The following MAEL variants were observed in gnomAD, a reference collection of about 807,000 sequenced individuals.
MAEL encodes protein maelstrom homolog.
MAEL carries 46 observed loss-of-function variants against 62.0 expected under a neutral mutation model. The ratio of observed to expected loss-of-function variants is 0.74; its 90% confidence interval spans 0.59 to 0.95. The LOEUF (loss-of-function observed/expected upper bound fraction) is 0.95, where lower values mean the gene tolerates loss of function less well. Ranked by LOEUF, MAEL falls within the 40% of genes least tolerant of loss-of-function variation. MAEL has a pLI of 0.00. For synonymous variants in MAEL, 172 were observed against 175.5 expected (o/e 0.98, Z 0.16); for missense variants, 497 against 526.8 (o/e 0.94, Z 0.55).
chr1:166,997,160 G>T (rs1458055902), intron 5 of MAEL, among the ~76,000 whole-genome samples: 1 of 152,180 alleles, frequency 6.6e-6, no homozygotes, highest in Non-Finnish European at 1.5e-5. Context: ...ATTGCCTTGG[G>T]CCACACATAA....
rs748305669 is a variant in MAEL, at chr1:167,017,840, A to T, written c.922A>T (p.Asn308Tyr). The T allele has an allele frequency of 2.5e-6, 4 of 1,611,534 alleles. No homozygotes were observed. Among genetic ancestry groups the T allele is most frequent in the African/African-American group, 1.3e-5 (1 of 74,826 alleles). The stretch of plus-strand genomic sequence containing the variant: ...TTTCTTTTAAAGGTACTGCATCAGT[A>T]ATTCTCTGGCCACTCTCTTTGGAAT... ...VCKKIAYCIS[N>Y]SLATLFGIQL... The change falls in exon 10 of 12, where the codon AAT becomes TAT. Residue 308 changes from asparagine to tyrosine, a missense_variant. Transcript: ENST00000367872.
upstream of MAEL, among the ~76,000 whole-genome samples, chr1:166,984,218 G>C (rs6695162): frequency 0.26 from 39,718 of 151,836 alleles, 5,565 homozygotes; most frequent in African/African-American, 0.37. Context: ...CCATTAGCTA[G>C]TTCTATTTTT....
upstream of MAEL, among the ~76,000 whole-genome samples, chr1:166,984,943 A>C (rs1663869942): frequency 6.6e-6 from 1 of 152,220 alleles, no homozygotes; most frequent in Non-Finnish European, 1.5e-5. Flanking sequence ...TAAAAATGTT[A>C]AACTATGAAA....
intron 8 of MAEL, among the ~76,000 whole-genome samples, chr1:167,010,782 A>G (rs1571271281): frequency 6.6e-6 from 1 of 152,052 alleles, no homozygotes; most frequent in Admixed American, 6.6e-5. Context: ...TTCTTCCCAT[A>G]ATAGCTTTCT....
chr1:167,018,571 A>T (rs1043835525), intron 10 of MAEL, among the ~76,000 whole-genome samples: 6 of 152,122 alleles, frequency 3.9e-5, no homozygotes, highest in Admixed American at 3.9e-4. Context: ...GATTAAATGC[A>T]GCAATATATG....
rs748937296 is a variant in MAEL at position 167,021,886 on chromosome 1, G to A, written c.*31G>A. On this transcript the variant is annotated 3_prime_UTR_variant, in exon 12 of 12. Transcript: ENST00000367872. Reference sequence around the variant, plus strand: ...GTACTCTTTTCAATTTCTGAAAACAGTAACAGGCCCAACTTCCTTCTTACT... The same window carrying A: ...GTACTCTTTTCAATTTCTGAAAACAATAACAGGCCCAACTTCCTTCTTACT... 3 of 1,454,642 alleles carry A rather than the reference G, an allele frequency of 2.1e-6. No homozygotes were observed. Among genetic ancestry groups the A allele is most frequent in the African/African-American group, 1.4e-5 (1 of 71,308 alleles). 90.1% of individuals were successfully genotyped at this position (1,454,642 alleles called of 1,614,324 possible). A position where few individuals can be genotyped will look rare whatever the true frequency, so the allele number is the denominator to read the frequency against.
upstream of MAEL, among the ~76,000 whole-genome samples, chr1:166,987,015 A>G (rs1286144850): frequency 1.3e-5 from 2 of 150,460 alleles, no homozygotes; most frequent in African/African-American, 4.9e-5. Context: ...ATTTGTTTTT[A>G]TGCCAATGTT....
rs546730762 is a variant in MAEL, at chr1:167,016,388, A to G, written c.908+104A>G. ...TGGCAATCGGGGTAACTCTGTTTCC[A>G]CAATGCTCTTTCAAAACAAAGGGGG... On this transcript the variant is annotated intron_variant, in intron 9 of 11. Transcript: ENST00000367872. 521 of 1,019,596 alleles carry G rather than the reference A, an allele frequency of 5.1e-4. 5 individuals are homozygous for G. The African/African-American group carries it at 7.5e-3, about 15-fold the overall frequency. The allele number at this position is 1,019,596 out of a possible 1,614,324, so 63.2% of individuals were successfully genotyped here.
At chr1:167,003,266 A>G (rs1215676733) in intron 5 of MAEL, among the ~76,000 whole-genome samples, 1 of 152,184 alleles carries the variant, frequency 6.6e-6, no homozygotes, top group Non-Finnish European at 1.5e-5. Context: ...ATCTTTATAC[A>G]TAATTAACAA....
chr1:166,992,740 C>A lies in MAEL; in HGVS notation c.380C>A (p.Pro127His), dbSNP rs916130738. 1.9e-6 allele frequency: 3 copies of A among 1,609,228 alleles called. No homozygotes were observed. In the African/African-American group the frequency reaches 4.0e-5, roughly 22 times the overall value. ...AACATTTTTAGCCATGGCGAGCTAC[C>A]TCCTCATTGTGAACAGCGCTTCCTC... ...FLNIFSHGEL[P>H]PHCEQRFLPC... is the part of the protein sequence containing the mutation. The change falls in exon 4 of 12, where the codon CCT becomes CAT. Residue 127 changes from proline to histidine, a missense_variant. Coordinates refer to ENST00000367872, the MANE Select transcript of MAEL (RefSeq NM_032858.3).
In MAEL at chr1:166,989,540, T is replaced by TGAGGCGGGAGGGC; in HGVS notation, c.132+57_132+69dup. On this transcript the variant is annotated intron_variant, in intron 1 of 11. Coordinates refer to ENST00000367872, the MANE Select transcript of MAEL (RefSeq NM_032858.3). ...CAGGGCAGTTGGGCAAGCCGGAGGG[T>TGAGGCGGGAGGGC]GAGGCGGGAGGGCAGAAGGCCTCGA... The TGAGGCGGGAGGGC allele has an allele frequency of 1.9e-6, 3 of 1,557,180 alleles. No individual in the cohort carries two copies. The Admixed American group carries it at 5.8e-5, about 30-fold the overall frequency.
At chr1:167,018,270 A>G (rs1250691486) in intron 10 of MAEL, among the ~76,000 whole-genome samples, 1 of 152,200 alleles carries the variant, frequency 6.6e-6, no homozygotes, top group African/African-American at 2.4e-5. Context: ...AGTAATATAA[A>G]TATTCTAAAC....
At chr1:167,011,122 T>C (rs906618265) in intron 8 of MAEL, among the ~76,000 whole-genome samples, 2 of 152,190 alleles carry the variant, frequency 1.3e-5, no homozygotes, top group African/African-American at 4.8e-5. Context: ...ACGTAAAGAA[T>C]GGGCTTCCTC....
Position 166,989,443 on chromosome 1 carries a change from C to A in MAEL, c.91C>A (p.Arg31Ser), listed in dbSNP as rs141032216. ...ACGGCGACGAGGCCTGCCTGTGGCTCGCGTTGCTGATGCCATCCCTTACTG... is the reference window on the plus strand; with the variant it reads ...ACGGCGACGAGGCCTGCCTGTGGCTAGCGTTGCTGATGCCATCCCTTACTG... ...ELRRRGLPVA[R>S]VADAIPYCSS... The change falls in exon 1 of 12, where the codon CGC (arginine) becomes AGC (serine). Residue 31 changes from arginine (R) to serine (S), a missense_variant. Arg to Ser is a moderately radical substitution (Grantham distance 110). Coordinates refer to ENST00000367872, the MANE Select transcript of MAEL (RefSeq NM_032858.3). 1 of 1,591,644 alleles carries A rather than the reference C, an allele frequency of 6.3e-7. No homozygotes were observed. Among genetic ancestry groups the A allele is most frequent in the African/African-American group, 1.3e-5 (1 of 74,740 alleles).
At chr1:166,978,779 G>C (rs1663673244) in intron 1 of MAEL, among the ~76,000 whole-genome samples, 1 of 152,166 alleles carries the variant, frequency 6.6e-6, no homozygotes, top group African/African-American at 2.4e-5. Context: ...TGACCTAATA[G>C]GACAGGACCC....
At chr1:167,017,746 T>C in intron 9 of MAEL, 81 bp from the exon 10 acceptor site, 1 of 1,367,152 alleles carries the variant, frequency 7.3e-7, no homozygotes, top group Non-Finnish European at 9.9e-7. Flanking sequence ...ATGCTTTCTT[T>C]TTGTTAGAGA....
At chr1:166,982,424 A>G (rs1161667523) in intron 1 of MAEL, among the ~76,000 whole-genome samples, 1 of 152,194 alleles carries the variant, frequency 6.6e-6, no homozygotes, top group Non-Finnish European at 1.5e-5. Flanking sequence ...AGGGGAGATA[A>G]GATAACCCTT....
upstream of MAEL, among the ~76,000 whole-genome samples, chr1:166,985,893 CATAATT>C (rs1387688661): frequency 6.6e-6 from 1 of 152,040 alleles, no homozygotes; most frequent in African/African-American, 2.4e-5. Context: ...TAATGGTTAT[CATAATT>C]ATATTACATG....
chr1:167,006,080 T>C (rs1256195010), intron 8 of MAEL: 1 of 152,316 alleles, frequency 6.6e-6, no homozygotes, highest in Non-Finnish European at 1.5e-5. Flanking sequence ...TGTAGGCTTT[T>C]ACTGTGTGAG....
Sources: gnomAD v4.1 joint callset for allele counts (sites outside exome capture counted in the v4.1 genomes callset) on GRCh38, gnomAD v4.1.1 for gene constraint, MANE v1.5 for transcripts, NCBI Gene and HGNC (gene_info 2026-07-23, HGNC 2026-07-21) for gene names.